CORO2B: variants seen among roughly 807,000 people sequenced by gnomAD.
CORO2B encodes coronin-2B.
CORO2B carries 26 observed loss-of-function variants against 58.8 expected under a neutral mutation model. The observed-to-expected ratio is 0.44, with a 90% CI of 0.32 to 0.61. The LOEUF (loss-of-function observed/expected upper bound fraction) is 0.61. Among genes scored for constraint, CORO2B ranks in the 20% least tolerant of loss-of-function variants. The pLI, the probability that CORO2B is intolerant of heterozygous loss-of-function variation, is 0.04. For missense variants in CORO2B, 460 were observed against 645.1 expected, an observed-to-expected ratio of 0.71 and a Z score of 3.11; for synonymous variants, 242 against 253.8, an observed-to-expected ratio of 0.95 and a Z score of 0.44.
At chr15:68,598,044 C>T (rs536278567) in intron 1 of CORO2B, among the ~76,000 whole-genome samples, 100 of 152,338 alleles carry the variant, frequency 6.6e-4, no homozygotes, top group Middle Eastern at 3.4e-3. Context: ...AAAGAGGTGG[C>T]GCTGATTTCT....
At chr15:68,599,018 C>G (rs900844955) in intron 1 of CORO2B, among the ~76,000 whole-genome samples, 1 of 152,204 alleles carries the variant, frequency 6.6e-6, no homozygotes, top group Non-Finnish European at 1.5e-5. Flanking sequence ...CATCCTTTGG[C>G]TCGGCCCTGC....
intron 1 of CORO2B, among the ~76,000 whole-genome samples, chr15:68,599,110 G>C (rs1899911617): frequency 6.6e-6 from 1 of 152,186 alleles, no homozygotes; most frequent in Non-Finnish European, 1.5e-5. Flanking sequence ...ACCAGACACT[G>C]GTCGGCTTGC....
At chr15:68,535,590 C>T in the CORO2B span, among the ~76,000 whole-genome samples, 2 of 152,116 alleles carry the variant, frequency 1.3e-5, no homozygotes, top group Non-Finnish European at 1.5e-5. Context: ...TCCTGTCTCT[C>T]GTAGGACATT....
At chr15:68,621,490 G>A (rs531855625) in intron 1 of CORO2B, among the ~76,000 whole-genome samples, 8 of 152,338 alleles carry the variant, frequency 5.3e-5, no homozygotes, top group African/African-American at 1.7e-4. Context: ...CCTGAAAGGG[G>A]ACCTGCCCAG....
Position 68,645,088 on chromosome 15 carries a change from C to T in CORO2B, c.16-72C>T. On this transcript the variant is annotated intron_variant, in intron 1 of 11. Transcript: ENST00000261861. This position sits in a 1 kb window ranked among gnomAD's most constrained non-coding sequence, Gnocchi z 4.5. ...CACCTCTGAGCCGCAGCTTCCCTCCCCCAAGAGCCCAGCCGAGGCCCTTCA... is the reference window on the plus strand; with the variant it reads ...CACCTCTGAGCCGCAGCTTCCCTCCTCCAAGAGCCCAGCCGAGGCCCTTCA... The T allele has an allele frequency of 1.3e-6, 2 of 1,512,042 alleles. No individual in the cohort carries two copies. The highest frequency in any genetic ancestry group is 1.8e-6 in the Non-Finnish European group (2 of 1,110,196). The allele number at this position is 1,512,042 out of a possible 1,614,324, so 93.7% of individuals were successfully genotyped here. A position where few individuals can be genotyped will look rare whatever the true frequency, so the allele number is the denominator to read the frequency against.
intron 2 of CORO2B, among the ~76,000 whole-genome samples, chr15:68,675,318 C>T (rs1902540564): frequency 6.6e-6 from 1 of 152,168 alleles, no homozygotes. Context: ...AGGAAACAAG[C>T]TGTGTCAATT....
At chr15:68,635,424 T>C (rs1028075722) in intron 1 of CORO2B, among the ~76,000 whole-genome samples, 1 of 152,134 alleles carries the variant, frequency 6.6e-6, no homozygotes, top group Non-Finnish European at 1.5e-5. Flanking sequence ...CATGGATGCT[T>C]CCCTGAGTGG....
chr15:68,713,353 G>A (rs1003364626), intron 5 of CORO2B, among the ~76,000 whole-genome samples: 12 of 152,144 alleles, frequency 7.9e-5, no homozygotes, highest in East Asian at 1.9e-4. Flanking sequence ...CTCCCCTCTC[G>A]CTCCCTGTTC....
intron 3 of CORO2B, among the ~76,000 whole-genome samples, chr15:68,707,278 T>A (rs370673977): frequency 1.9e-3 from 297 of 152,310 alleles, no homozygotes; most frequent in African/African-American, 6.9e-3. Flanking sequence ...AAAGGTATAG[T>A]TTTAGAGGCA....
intron 1 of CORO2B, among the ~76,000 whole-genome samples, chr15:68,608,365 C>T (rs1225361533): frequency 1.3e-5 from 2 of 152,200 alleles, no homozygotes; most frequent in Non-Finnish European, 2.9e-5. Flanking sequence ...GCAAGTTCTC[C>T]CTCCCCCACA....
At chr15:68,708,330 G>A (rs944163147) in intron 3 of CORO2B, among the ~76,000 whole-genome samples, 6 of 150,906 alleles carry the variant, frequency 4.0e-5, no homozygotes, top group African/African-American at 1.5e-4. Context: ...AGGACTTCTG[G>A]TCTGCCTTTG....
intron 3 of CORO2B, 65 bp downstream of exon 3, chr15:68,695,321 T>G: frequency 8.6e-7 from 1 of 1,158,020 alleles, no homozygotes; most frequent in Non-Finnish European, 1.3e-6. Flanking sequence ...TTTGGAGGCC[T>G]CTCTTCCTAC....
chr15:68,529,547 A>G, the CORO2B span, among the ~76,000 whole-genome samples: 1 of 152,102 alleles, frequency 6.6e-6, no homozygotes, highest in Non-Finnish European at 1.5e-5. Context: ...CTGTGTTGTT[A>G]TTATCTCTAG....
intron 2 of CORO2B, among the ~76,000 whole-genome samples, chr15:68,656,803 C>T (rs1274835428): frequency 6.6e-6 from 1 of 152,170 alleles, no homozygotes; most frequent in Non-Finnish European, 1.5e-5. Context: ...CAGTTTCCTT[C>T]GCTGTAGAAT....
At chr15:68,541,335 A>G in the CORO2B span, among the ~76,000 whole-genome samples, 2 of 152,172 alleles carry the variant, frequency 1.3e-5, no homozygotes, top group African/African-American at 2.4e-5. Context: ...TAAGAGTCCT[A>G]TTGGCACCAA....
intron 2 of CORO2B, among the ~76,000 whole-genome samples, chr15:68,694,324 T>C (rs1333526867): frequency 1.3e-5 from 2 of 152,206 alleles, no homozygotes; most frequent in South Asian, 2.1e-4. Context: ...GCATATTAGC[T>C]CACATAATCT....
At chr15:68,696,184 A>G (rs1892505280) in intron 3 of CORO2B, among the ~76,000 whole-genome samples, 1 of 151,574 alleles carries the variant, frequency 6.6e-6, no homozygotes, top group South Asian at 2.1e-4. Flanking sequence ...TGGAAGGTCA[A>G]GGCTGCAGTG....
intron 3 of CORO2B, among the ~76,000 whole-genome samples, chr15:68,704,986 C>T (rs1892747153): frequency 6.6e-6 from 1 of 152,156 alleles, no homozygotes; most frequent in African/African-American, 2.4e-5. Context: ...TTCAACAAAT[C>T]CCTCGAATAC....
At chr15:68,541,787 G>A in the CORO2B span, among the ~76,000 whole-genome samples, 18 of 152,250 alleles carry the variant, frequency 1.2e-4, no homozygotes, top group Non-Finnish European at 1.8e-4. Flanking sequence ...TTCCTCACAC[G>A]CAGGTGCTGA....
Sources: gnomAD v4.1 joint callset for allele counts (sites outside exome capture counted in the v4.1 genomes callset) on GRCh38, gnomAD v4.1.1 for gene constraint, Gnocchi (gnomAD v3.1) non-coding constraint, MANE v1.5 for transcripts, NCBI Gene and HGNC (gene_info 2026-07-23, HGNC 2026-07-21) for gene names.